SMURF1: variants seen among roughly 807,000 people sequenced by gnomAD.
SMURF1 encodes the protein SMAD specific E3 ubiquitin protein ligase 1, also known as E3 ubiquitin-protein ligase SMURF1.
Under a neutral mutation model 98.0 loss-of-function variants are expected in SMURF1, and 44 were observed. The observed-to-expected ratio is 0.45, with a 90% CI of 0.35 to 0.58. SMURF1 has a LOEUF of 0.58. SMURF1 is among the 20% of genes least tolerant of loss of function. SMURF1 has a pLI of 0.00. For synonymous variants in SMURF1, 396 were observed against 374.9 expected (o/e 1.06, Z -0.65); for missense variants, 687 against 938.4 (o/e 0.73, Z 3.50).
At chr7:99,056,243 A>G (rs939480232) in intron 5 of SMURF1, among the ~76,000 whole-genome samples, 2 of 152,036 alleles carry the variant, frequency 1.3e-5, no homozygotes, top group Non-Finnish European at 2.9e-5. Flanking sequence ...TACCTAAAAG[A>G]TTTGGAGTGA....
At chr7:99,074,799 G>T (rs1005912352) in intron 1 of SMURF1, among the ~76,000 whole-genome samples, 1 of 152,162 alleles carries the variant, frequency 6.6e-6, no homozygotes, top group Non-Finnish European at 1.5e-5. Flanking sequence ...AAGCCAAGGT[G>T]GGAGGATGAC....
intron 1 of SMURF1, among the ~76,000 whole-genome samples, chr7:99,071,477 G>A (rs1796320049): frequency 6.6e-6 from 1 of 152,122 alleles, no homozygotes; most frequent in South Asian, 2.1e-4. Context: ...AAGAAAACCG[G>A]TAACTGGGGA....
intron 1 of SMURF1, among the ~76,000 whole-genome samples, chr7:99,089,549 G>A (rs750991004): frequency 1.3e-5 from 2 of 152,088 alleles, no homozygotes; most frequent in Non-Finnish European, 2.9e-5. Context: ...GCTGAGGTGG[G>A]AGAATCACTT....
chr7:99,143,740 T>G lies in SMURF1; in HGVS notation c.41A>C (p.Lys14Thr), dbSNP rs199666284. 24 of 1,565,102 alleles carry G rather than the reference T, an allele frequency of 1.5e-5. No individual in the cohort carries two copies. The highest frequency in any genetic ancestry group is 2.1e-5 in the Non-Finnish European group (24 of 1,158,258). The change falls in exon 1 of 18, where the codon AAG becomes ACG. Residue 14 changes from lysine to threonine, a missense_variant. Coordinates refer to ENST00000361368, the MANE Select transcript of SMURF1 (RefSeq NM_181349.3). ...PGTRRNGSSI[K>T]IRLTVLCAKN... ...GCCGGCCGTACCTGTCAGACGGATC[T>G]TGATGCTGGAGCCGTTCCTGCGTGT...
chr7:99,105,131 C>G (rs1457975120), intron 1 of SMURF1, among the ~76,000 whole-genome samples: 1 of 152,200 alleles, frequency 6.6e-6, no homozygotes, highest in Non-Finnish European at 1.5e-5. Flanking sequence ...TGTACACATG[C>G]ACATGCACGT....
chr7:99,119,003 ATTTTTTTTTTTTTTTTTTTTTTTTTT>A (rs67705340), intron 1 of SMURF1, among the ~76,000 whole-genome samples: 4 of 42,878 alleles, frequency 9.3e-5, no homozygotes, highest in Admixed American at 7.4e-4. Context: ...TAACATGCCA[ATTTTTTTTTTTTTTTTTTTTTTTTTT>A]TTTTTTTTTT....
In SMURF1 at chr7:99,030,101, T is replaced by G. The variant is rs1562992998; in HGVS notation, c.*483A>C. The G allele has an allele frequency of 6.4e-6, 1 of 155,190 alleles. No homozygotes were observed. The highest frequency in any genetic ancestry group is 1.4e-5 in the Non-Finnish European group (1 of 69,686). The allele number at this position is 155,190 out of a possible 1,614,324, so 9.6% of individuals were successfully genotyped here. On this transcript the variant is annotated 3_prime_UTR_variant, in exon 18 of 18. Transcript: ENST00000361368. The stretch of plus-strand genomic sequence containing the variant: ...GAACCGGCTGCTGGGATGTGAAATC[T>G]GGAATCTGAGCTCTGATAAGATATC...
chr7:99,035,479 C>T (rs755593355), intron 16 of SMURF1, 36 bp downstream of exon 16: 74 of 1,610,550 alleles, frequency 4.6e-5, no homozygotes, highest in Middle Eastern at 1.8e-4. Context: ...CGCACATAGA[C>T]GCGTCATCGA....
intron 5 of SMURF1, among the ~76,000 whole-genome samples, chr7:99,055,516 T>TG (rs888321829): frequency 2.3e-4 from 35 of 151,810 alleles, no homozygotes; most frequent in African/African-American, 6.1e-4. Flanking sequence ...GAAGTTTTTT[T>TG]GGGGGGGATT....
chr7:99,138,280 C>A (rs957590402), intron 1 of SMURF1, among the ~76,000 whole-genome samples: 22 of 152,130 alleles, frequency 1.4e-4, no homozygotes, highest in Non-Finnish European at 2.8e-4. Flanking sequence ...TTTTTTGAAC[C>A]ACTGAATAAA....
intron 1 of SMURF1, among the ~76,000 whole-genome samples, chr7:99,078,255 T>G (rs1796507276): frequency 6.9e-6 from 1 of 145,504 alleles, no homozygotes; most frequent in Non-Finnish European, 1.5e-5. Flanking sequence ...TGAGCTGAGA[T>G]CATACCAGTG....
At chr7:99,078,630 C>T (rs536156866) in intron 1 of SMURF1, among the ~76,000 whole-genome samples, 1 of 152,260 alleles carries the variant, frequency 6.6e-6, no homozygotes, top group South Asian at 2.1e-4. Context: ...GCCTTAGCTC[C>T]GCCTCCTGTC....
chr7:99,045,654 CTG>C, intron 11 of SMURF1, 42 bp downstream of exon 11: 1 of 1,511,916 alleles, frequency 6.6e-7, no homozygotes, highest in Non-Finnish European at 9.2e-7. Flanking sequence ...CTTGAAAAGA[CTG>C]AGATCCACAC....
intron 1 of SMURF1, among the ~76,000 whole-genome samples, chr7:99,067,926 C>T (rs577744752): frequency 6.6e-6 from 1 of 152,238 alleles, no homozygotes; most frequent in Non-Finnish European, 1.5e-5. Context: ...TGCACTCCAG[C>T]CTGGGCGACA....
intron 1 of SMURF1, among the ~76,000 whole-genome samples, chr7:99,122,211 CCA>C (rs1797645999): frequency 6.6e-6 from 1 of 151,698 alleles, no homozygotes; most frequent in African/African-American, 2.4e-5. Context: ...GCCTGTGATC[CCA>C]GTTACTCAGG....
At chr7:99,140,435 C>T (rs1156307235) in intron 1 of SMURF1, among the ~76,000 whole-genome samples, 1 of 151,888 alleles carries the variant, frequency 6.6e-6, no homozygotes, top group Non-Finnish European at 1.5e-5. Flanking sequence ...TACAGGCGCC[C>T]GCCACCACAC....
chr7:99,114,569 A>G (rs1797398011), intron 1 of SMURF1, among the ~76,000 whole-genome samples: 2 of 152,196 alleles, frequency 1.3e-5, no homozygotes, highest in African/African-American at 4.8e-5. Context: ...TGGAGACAGC[A>G]ATACTCCATT....
intron 1 of SMURF1, among the ~76,000 whole-genome samples, chr7:99,140,708 G>A (rs909040566): frequency 6.6e-6 from 1 of 152,132 alleles, no homozygotes; most frequent in Non-Finnish European, 1.5e-5. Flanking sequence ...GAGCCACGGC[G>A]CCAGGCCATC....
chr7:99,074,070 CATAAT>C (rs1796395688), intron 1 of SMURF1, among the ~76,000 whole-genome samples: 1 of 152,176 alleles, frequency 6.6e-6, no homozygotes, highest in African/African-American at 2.4e-5. Context: ...ATCTCACAAA[CATAAT>C]ATTCAATGAA....
Sources: allele counts gnomAD v4.1 joint callset (sites outside exome capture counted in the v4.1 genomes callset), GRCh38; gene constraint gnomAD v4.1.1; transcripts MANE v1.5; gene names NCBI Gene and HGNC (gene_info 2026-07-23, HGNC 2026-07-21).